Variants in RGPD3 observed in about 807,000 individuals in gnomAD.
RGPD3 encodes the protein ranBP2-like and GRIP domain-containing protein 3.
Under a neutral mutation model 154.5 loss-of-function variants are expected in RGPD3, and 62 were observed. The observed-to-expected ratio is 0.40, with a 90% CI of 0.33 to 0.50. The LOEUF (loss-of-function observed/expected upper bound fraction) is 0.50, where lower values mean the gene tolerates loss of function less well. Among genes scored for constraint, RGPD3 ranks in the 20% least tolerant of loss-of-function variants. RGPD3 has a pLI of 0.59. For synonymous variants in RGPD3, 308 were observed against 607.0 expected (o/e 0.51, Z 7.24); for missense variants, 919 against 1,716.8 (o/e 0.54, Z 8.21).
rs759535434 is a variant in RGPD3, at chr2:106,424,101, G to A, written c.3866C>T (p.Thr1289Ile). 2,327 of 1,598,614 alleles carry A rather than the reference G, an allele frequency of 1.5e-3. 42 individuals carry two copies. In the African/African-American group the frequency reaches 0.026, roughly 18 times the overall value. The change falls in exon 20 of 23, where the codon ACA becomes ATA. Residue 1289 changes from threonine to isoleucine, a missense_variant. Coordinates refer to ENST00000409886, the MANE Select transcript of RGPD3 (RefSeq NM_001144013.2). Reference sequence around the variant, plus strand: ...TTTAAAACTGAAGTTAGATCCTGTTGTTGACTCATCAAAGTGGAAAAGATT... The same window carrying A: ...TTTAAAACTGAAGTTAGATCCTGTTATTGACTCATCAAAGTGGAAAAGATT... ...RKNLFHFDES[T>I]TGSNFSFKSA...
At chr2:106,459,086 A>T (rs906534310) in intron 2 of RGPD3, among the ~76,000 whole-genome samples, 179 bp downstream of exon 2, 1 of 147,432 alleles carries the variant, frequency 6.8e-6, no homozygotes, top group Non-Finnish European at 1.5e-5. Context: ...AACACTAATT[A>T]CGGTTTCAAT....
At chr2:106,408,800 C>T (rs939649149) in intron 22 of RGPD3, among the ~76,000 whole-genome samples, 76 of 152,092 alleles carry the variant, frequency 5.0e-4, no homozygotes, top group African/African-American at 1.8e-3. Context: ...AATCCTGCTG[C>T]CTTAGCCTCC....
Position 106,468,229 on chromosome 2 carries a change from CG to C in RGPD3, c.59del (p.Pro20ArgfsTer70), listed in dbSNP as rs751424520. 46 of 1,606,206 alleles carry C rather than the reference CG, an allele frequency of 2.9e-5. No homozygotes were observed. The East Asian group carries it at 9.4e-4, about 33-fold the overall frequency. ...RYVASVQGSA[P>X]SPRKKSTRGF... ...CAGACCCACTCACCTTTCGAGGCGA[CG>C]GGGCGGAGCCCTGCACCGAGGCGAC... is the stretch of plus-strand genomic sequence containing the variant. On this transcript the variant is annotated frameshift_variant, in exon 1 of 23. Coordinates refer to ENST00000409886, the MANE Select transcript of RGPD3 (RefSeq NM_001144013.2). LOFTEE classifies it high-confidence loss of function.
At chr2:106,467,128 G>A (rs1175110526) in intron 1 of RGPD3, among the ~76,000 whole-genome samples, 19 of 76,062 alleles carry the variant, frequency 2.5e-4, no homozygotes, top group Middle Eastern at 0.011. Context: ...TCAACAGAGC[G>A]CGCCAGGGAG....
intron 19 of RGPD3, among the ~76,000 whole-genome samples, 160 bp downstream of exon 19, chr2:106,425,834 A>G (rs868680919): frequency 1.2e-5 from 1 of 84,448 alleles, no homozygotes; most frequent in South Asian, 4.4e-4. Context: ...TAAGGTGACT[A>G]AGAAGGATAA....
intron 22 of RGPD3, chr2:106,412,659 T>C: frequency 1.2e-5 from 5 of 422,540 alleles, no homozygotes; most frequent in Non-Finnish European, 2.3e-5. Flanking sequence ...CTGCTGTATA[T>C]AGACCAAGTG....
chr2:106,436,286 A>G, intron 11 of RGPD3, 40 bp from the exon 12 acceptor site: 1 of 1,611,528 alleles, frequency 6.2e-7, no homozygotes, highest in Non-Finnish European at 8.5e-7. Context: ...CTTTCTAAAT[A>G]CACAGTTCAG....
chr2:106,423,902 T>C lies in RGPD3; in HGVS notation c.4065A>G (p.Gln1355=), dbSNP rs770329835. Residue 1355 remains glutamine, a synonymous_variant, in exon 20 of 23, where the codon CAA becomes CAG. Transcript: ENST00000409886. ...VEVSSGEENE[Q]VVFSHRAEFY... is the part of the protein sequence containing the mutation. Reference sequence around the variant, plus strand: ...ATTCTGCCCTGTGACTAAAAACAACTTGTTCATTTTCCTCACCACTGGATA... The same window carrying C: ...ATTCTGCCCTGTGACTAAAAACAACCTGTTCATTTTCCTCACCACTGGATA... 5.6e-6 allele frequency: 9 copies of C among 1,611,768 alleles called. No individual in the cohort carries two copies. The highest frequency in any genetic ancestry group is 7.6e-6 in the Non-Finnish European group (9 of 1,179,852).
chr2:106,415,630 T>G (rs1676802764), intron 21 of RGPD3, among the ~76,000 whole-genome samples: 1 of 125,114 alleles, frequency 8.0e-6, no homozygotes, highest in Non-Finnish European at 1.6e-5. Context: ...TGAGCCGGGA[T>G]CGTGCCACTG....
intron 17 of RGPD3, among the ~76,000 whole-genome samples, chr2:106,431,521 G>A (rs1312688740): frequency 1.3e-5 from 2 of 152,296 alleles, no homozygotes; most frequent in Non-Finnish European, 2.9e-5. Context: ...TCATGGACCA[G>A]TGCTCCACTA....
At chr2:106,468,455 C>G (rs1449630787), upstream of RGPD3, 1 of 1,347,408 alleles carries the variant, frequency 7.4e-7, no homozygotes, top group African/African-American at 1.5e-5. Context: ...GGAACGTTGG[C>G]GACTTCGGCG....
At chr2:106,451,237 G>GT (rs1199515541) in intron 6 of RGPD3, among the ~76,000 whole-genome samples, 1 of 151,674 alleles carries the variant, frequency 6.6e-6, no homozygotes, top group East Asian at 1.9e-4. Flanking sequence ...CATCCTACAT[G>GT]TTTTCTAAAA....
intron 6 of RGPD3, among the ~76,000 whole-genome samples, chr2:106,449,969 A>G (rs1275856721): frequency 6.7e-6 from 1 of 149,656 alleles, no homozygotes; most frequent in Non-Finnish European, 1.5e-5. Context: ...GTGAGCCGAG[A>G]TGGCGCCACT....
At chr2:106,469,347 A>G (rs574449248), upstream of RGPD3, among the ~76,000 whole-genome samples, 821 of 151,650 alleles carry the variant, frequency 5.4e-3, 5 homozygotes, top group African/African-American at 0.019. Flanking sequence ...GAATTCTAAA[A>G]AAGTTGGAAA....
rs539863212 is a variant in RGPD3 at position 106,463,609 on chromosome 2, T to C, written c.73-4277A>G. Among the ~76,000 whole-genome samples the C allele has an allele frequency of 3.7e-3, 556 of 151,808 alleles. 2 individuals are homozygous for C. The highest frequency in any genetic ancestry group is 0.013 in the African/African-American group (526 of 41,462). On this transcript the variant is annotated intron_variant, in intron 1 of 22. Transcript: ENST00000409886. ...CAAAGGGTCTAACTCAGAAAAAAGA[T>C]GAAGGGAATTCTCAAACTGGTGATA... is the stretch of plus-strand genomic sequence containing the variant.
chr2:106,418,124 C>T (rs966324069), intron 20 of RGPD3, among the ~76,000 whole-genome samples: 2 of 143,724 alleles, frequency 1.4e-5, no homozygotes, highest in African/African-American at 5.0e-5. Context: ...AAGACTCCAG[C>T]TCAAAACAAA....
intron 20 of RGPD3, among the ~76,000 whole-genome samples, chr2:106,418,323 A>C (rs1436543714): frequency 1.3e-5 from 2 of 149,806 alleles, no homozygotes; most frequent in African/African-American, 4.9e-5. Context: ...CAAAATTAAA[A>C]GACTAGATTC....
At chr2:106,464,340 CA>C (rs55851806) in intron 1 of RGPD3, among the ~76,000 whole-genome samples, 71,939 of 107,006 alleles carry the variant, frequency 0.67, 21,142 homozygotes, top group East Asian at 0.92. Flanking sequence ...GACTCCATCT[CA>C]AAAAAAAAAA....
chr2:106,418,529 C>T (rs1232181584), intron 20 of RGPD3, among the ~76,000 whole-genome samples: 1 of 152,112 alleles, frequency 6.6e-6, no homozygotes, highest in Non-Finnish European at 1.5e-5. Context: ...TAATCAATTA[C>T]ATTGCCTAGC....
Sources: allele counts gnomAD v4.1 joint callset (sites outside exome capture counted in the v4.1 genomes callset), GRCh38; gene constraint gnomAD v4.1.1; transcripts MANE v1.5; gene names NCBI Gene and HGNC (gene_info 2026-07-23, HGNC 2026-07-21).